The following BPNT1 variants were observed in gnomAD, a reference collection of about 807,000 sequenced individuals.
BPNT1 encodes 3'(2'), 5'-bisphosphate nucleotidase 1.
Under a neutral mutation model 36.9 loss-of-function variants are expected in BPNT1, and 28 were observed. The ratio of observed to expected loss-of-function variants is 0.76; its 90% CI spans 0.56 to 1.04. BPNT1 has a LOEUF of 1.04. BPNT1 is among the 50% of genes least tolerant of loss of function. BPNT1 has a pLI of 0.00. For missense variants in BPNT1, 313 were observed against 372.9 expected, an observed-to-expected ratio of 0.84 and a Z score of 1.32; for synonymous variants, 119 against 130.9, an observed-to-expected ratio of 0.91 and a Z score of 0.62.
rs1664192500 is a variant in BPNT1 at position 220,072,849 on chromosome 1, C to A, written c.333+1G>T. ...GAGTTGAGTATAAATATGGGTCATA[C>A]ATCTTCTTCTTTAATAGCACTGTAC... is the stretch of plus-strand genomic sequence containing the variant. On this transcript the variant is annotated splice_donor_variant, in intron 4 of 8. Coordinates refer to ENST00000322067, the MANE Select transcript of BPNT1 (RefSeq NM_006085.6). LOFTEE classifies it high-confidence loss of function. 1 of 1,610,752 alleles carries A rather than the reference C, an allele frequency of 6.2e-7. No homozygotes were observed. Among genetic ancestry groups the A allele is most frequent in the African/African-American group, 1.3e-5 (1 of 74,858 alleles).
chr1:220,088,626 C>CA (rs1036040792), intron 1 of BPNT1, among the ~76,000 whole-genome samples: 1 of 151,192 alleles, frequency 6.6e-6, no homozygotes, highest in Non-Finnish European at 1.5e-5. Flanking sequence ...CTCGTCTCTA[C>CA]AAAAAAATGC....
chr1:220,068,639 C>T (rs1332780100), intron 5 of BPNT1, among the ~76,000 whole-genome samples: 3 of 151,748 alleles, frequency 2.0e-5, no homozygotes, highest in Admixed American at 1.3e-4. Flanking sequence ...GGTGAAACCC[C>T]ATCTCTCCTA....
intron 2 of BPNT1, among the ~76,000 whole-genome samples, chr1:220,074,468 G>A: frequency 6.6e-6 from 1 of 151,716 alleles, no homozygotes. Context: ...AGGTCCTCAA[G>A]TTGATTCACA....
At chr1:220,081,695 G>A (rs1256932794) in intron 1 of BPNT1, among the ~76,000 whole-genome samples, 1 of 152,022 alleles carries the variant, frequency 6.6e-6, no homozygotes, top group Non-Finnish European at 1.5e-5. Flanking sequence ...CTTTCTTTGG[G>A]AGTATATCTG....
In BPNT1 at chr1:220,072,868, A is replaced by T. The variant is rs1289425331; in HGVS notation, c.315T>A (p.Ser105Arg). 1 of 1,613,862 alleles carries T rather than the reference A, an allele frequency of 6.2e-7. No homozygotes were observed. Residue 105 changes from serine to arginine, a missense_variant, in exon 4 of 9, where the codon AGT becomes AGA. Ser to Arg is a moderately radical substitution (Grantham distance 110). Transcript: ENST00000322067. ...ILKQPCPSQY[S>R]AIKEEDLVVW... ...GTCATACATCTTCTTCTTTAATAGCACTGTACTGCGATGGGCATGGTTGCT... is the reference window on the plus strand; with the variant it reads ...GTCATACATCTTCTTCTTTAATAGCTCTGTACTGCGATGGGCATGGTTGCT...
At chr1:220,081,883 C>A (rs140678234) in intron 1 of BPNT1, among the ~76,000 whole-genome samples, 384 of 152,056 alleles carry the variant, frequency 2.5e-3, no homozygotes, top group African/African-American at 8.8e-3. Flanking sequence ...CTCCAACTTT[C>A]TTCCCTTCCT....
chr1:220,069,401 G>A lies in BPNT1; in HGVS notation c.365C>T (p.Thr122Ile). The A allele has an allele frequency of 6.2e-7, 1 of 1,605,620 alleles. No homozygotes were observed. The highest frequency in any genetic ancestry group is 2.2e-5 in the East Asian group (1 of 44,494). ...LVVWVDPLDG[T>I]KEYTEGLLDN... ...ATATCAACCTTCGGTATATTCCTTG[G>A]TTCCATCCAGAGGATCAACCCAGAC... The change falls in exon 5 of 9, where the codon ACC becomes ATC. Residue 122 changes from threonine (T) to isoleucine (I), a missense_variant. Physicochemically the swap from Thr to Ile is moderately conservative, Grantham distance 89 (BLOSUM62 -1). Coordinates refer to ENST00000322067, the MANE Select transcript of BPNT1 (RefSeq NM_006085.6).
chr1:220,088,781 A>C (rs2577133), intron 1 of BPNT1, among the ~76,000 whole-genome samples: 68,098 of 145,746 alleles, frequency 0.47, 17,093 homozygotes, highest in African/African-American at 0.65. Context: ...CAGAGCTAGA[A>C]CCTGTCTTAA....
chr1:220,083,330 CTT>C (rs1019468605), intron 1 of BPNT1, among the ~76,000 whole-genome samples: 5 of 144,376 alleles, frequency 3.5e-5, no homozygotes, highest in African/African-American at 2.5e-5. Flanking sequence ...ACGGGTTTCT[CTT>C]TTTTTTTTTT....
intron 6 of BPNT1, chr1:220,066,208 G>T: frequency 1.1e-6 from 1 of 888,038 alleles, no homozygotes; most frequent in Non-Finnish European, 1.7e-6. Flanking sequence ...TTGATGAAAG[G>T]TACCGTGCAT....
At chr1:220,085,805 A>G (rs1034178484) in intron 1 of BPNT1, among the ~76,000 whole-genome samples, 2 of 152,250 alleles carry the variant, frequency 1.3e-5, no homozygotes, top group Admixed American at 1.3e-4. Flanking sequence ...ACTTAAGGCC[A>G]TCAACCTAAT....
chr1:220,063,005 T>C (rs1356198325), intron 6 of BPNT1, 51 bp from the exon 7 acceptor site: 1 of 1,563,648 alleles, frequency 6.4e-7, no homozygotes. Context: ...GAGAAGAACG[T>C]TAGCCCATAA....
chr1:220,066,240 A>C, intron 6 of BPNT1: 1 of 535,212 alleles, frequency 1.9e-6, no homozygotes. Context: ...ATATGAATTA[A>C]ATGCCCCTTT....
At chr1:220,059,839 T>A (rs1354932476) in intron 7 of BPNT1, 48 bp from the exon 8 acceptor site, 2 of 1,397,036 alleles carry the variant, frequency 1.4e-6, no homozygotes, top group Non-Finnish European at 9.8e-7. Context: ...GAAAGAATAA[T>A]TGAAAGTCAT....
Position 220,075,106 on chromosome 1 carries a change from C to T in BPNT1, c.121-1035G>A, listed in dbSNP as rs374636385. On this transcript the variant is annotated intron_variant, in intron 2 of 8. Transcript: ENST00000322067. Reference sequence around the variant, plus strand: ...TCGCCTAGGCTGGAGTGCAGTGGCGCGATCTCAGCTCACTGCAACCTTTGC... The same window carrying T: ...TCGCCTAGGCTGGAGTGCAGTGGCGTGATCTCAGCTCACTGCAACCTTTGC... Among the ~76,000 whole-genome samples, 276 of 152,240 alleles carry T rather than the reference C, an allele frequency of 1.8e-3. 1 individual carries two copies. Among genetic ancestry groups the T allele is most frequent in the Middle Eastern group, 6.8e-3 (2 of 292 alleles).
intron 4 of BPNT1, among the ~76,000 whole-genome samples, chr1:220,071,650 C>A (rs926795651): frequency 1.3e-5 from 2 of 152,126 alleles, no homozygotes; most frequent in Non-Finnish European, 2.9e-5. Context: ...TAGAATATAA[C>A]TGAGAGTCCA....
At chr1:220,068,434 G>A (rs1049913626) in intron 5 of BPNT1, among the ~76,000 whole-genome samples, 2 of 151,422 alleles carry the variant, frequency 1.3e-5, no homozygotes, top group South Asian at 2.1e-4. Flanking sequence ...TGCCCACCTC[G>A]GCCTCCCAAA....
Position 220,067,279 on chromosome 1 carries a change from C to T in BPNT1, c.474+23G>A, listed in dbSNP as rs531821553. The T allele has an allele frequency of 1.1e-5, 16 of 1,447,816 alleles. No homozygotes were observed. In the African/African-American group the frequency reaches 2.0e-4, roughly 18 times the overall value. 89.7% of individuals were successfully genotyped at this position (1,447,816 alleles called of 1,614,324 possible). ...TATAATTATTTATCTAATGAAATTA[C>T]TTTGTATCATTTATAGTAATACCTC... On this transcript the variant is annotated intron_variant, in intron 6 of 8. Transcript: ENST00000322067.
chr1:220,077,399 A>T (rs1020670653), intron 2 of BPNT1, among the ~76,000 whole-genome samples: 2 of 151,010 alleles, frequency 1.3e-5, no homozygotes, highest in Admixed American at 6.6e-5. Context: ...TTTTTTTTTT[A>T]ATATTATTTA....
Sources: allele counts gnomAD v4.1 joint callset (sites outside exome capture counted in the v4.1 genomes callset), GRCh38; gene constraint gnomAD v4.1.1; transcripts MANE v1.5; gene names NCBI Gene and HGNC (gene_info 2026-07-23, HGNC 2026-07-21).